LDB2: variants seen among roughly 807,000 people sequenced by gnomAD.
The protein encoded by LDB2 is LIM domain-binding protein 2.
Under a neutral mutation model 44.3 loss-of-function variants are expected in LDB2, and 12 were observed. The observed-to-expected ratio is 0.27, with a 90% CI of 0.17 to 0.44. The LOEUF (loss-of-function observed/expected upper bound fraction) is 0.44, where lower values mean the gene tolerates loss of function less well. Ranked by LOEUF, LDB2 falls within the 20% of genes least tolerant of loss-of-function variation. LDB2 has a pLI of 1.00. For synonymous variants in LDB2, 164 were observed against 174.8 expected, an observed-to-expected ratio of 0.94 and a Z score of 0.49; for missense variants, 344 against 473.5, an observed-to-expected ratio of 0.73 and a Z score of 2.54.
intron 2 of LDB2, among the ~76,000 whole-genome samples, chr4:16,708,358 A>G (rs998299120): frequency 3.9e-5 from 6 of 152,106 alleles, no homozygotes; most frequent in African/African-American, 1.4e-4. Flanking sequence ...AAACACACAC[A>G]CACACAGAGA....
At chr4:16,737,340 C>T (rs1452245044) in intron 2 of LDB2, among the ~76,000 whole-genome samples, 1 of 152,186 alleles carries the variant, frequency 6.6e-6, no homozygotes, top group Admixed American at 6.5e-5. Flanking sequence ...GCAATCCTCC[C>T]ACCTCAGCTT....
At chr4:16,731,115 T>G (rs528231249) in intron 2 of LDB2, among the ~76,000 whole-genome samples, 1 of 151,964 alleles carries the variant, frequency 6.6e-6, no homozygotes, top group Admixed American at 6.6e-5. Flanking sequence ...AGGATGTACA[T>G]AGGAGAAAGA....
At chr4:16,872,438 T>C (rs941872508) in intron 1 of LDB2, among the ~76,000 whole-genome samples, 23 of 152,214 alleles carry the variant, frequency 1.5e-4, no homozygotes, top group African/African-American at 5.5e-4. Context: ...TACTACTTAA[T>C]GCTATGGCAT....
chr4:16,673,595 G>A (rs186398891), intron 2 of LDB2, among the ~76,000 whole-genome samples: 20 of 152,280 alleles, frequency 1.3e-4, no homozygotes, highest in African/African-American at 4.1e-4. Flanking sequence ...CTTAAAGTTA[G>A]GAGAGCACCC....
intron 2 of LDB2, chr4:16,651,225 G>A (rs1207474492): frequency 6.6e-6 from 1 of 152,192 alleles, no homozygotes; most frequent in Non-Finnish European, 1.5e-5. Context: ...CTGTCTTTCA[G>A]TGGTTGCAGG....
At chr4:16,847,102 C>A (rs1454831046) in intron 1 of LDB2, among the ~76,000 whole-genome samples, 1 of 151,974 alleles carries the variant, frequency 6.6e-6, no homozygotes, top group Non-Finnish European at 1.5e-5. Context: ...TAGTTGGACC[C>A]CAATTAATGA....
At chr4:16,666,432 T>C (rs1005320442) in intron 2 of LDB2, among the ~76,000 whole-genome samples, 1 of 152,100 alleles carries the variant, frequency 6.6e-6, no homozygotes, top group Non-Finnish European at 1.5e-5. Context: ...CTCACAACGG[T>C]AGTGACTCTT....
intron 2 of LDB2, among the ~76,000 whole-genome samples, chr4:16,638,619 AT>A (rs1388124614): frequency 6.6e-6 from 1 of 152,148 alleles, no homozygotes; most frequent in Non-Finnish European, 1.5e-5. Flanking sequence ...TTGCTTCTGT[AT>A]TTTACAACCC....
At chr4:16,645,480 T>G (rs1267302176) in intron 2 of LDB2, among the ~76,000 whole-genome samples, 7 of 138,312 alleles carry the variant, frequency 5.1e-5, no homozygotes, top group African/African-American at 1.9e-4. Flanking sequence ...GAGCCTGCAG[T>G]GAGCCGAGAT....
At chr4:16,819,822 A>G (rs1781615674) in intron 1 of LDB2, among the ~76,000 whole-genome samples, 1 of 152,198 alleles carries the variant, frequency 6.6e-6, no homozygotes, top group Admixed American at 6.5e-5. Flanking sequence ...CTGAAATTCC[A>G]TGATTCAGCA....
chr4:16,780,208 G>T (rs560942207), intron 1 of LDB2, among the ~76,000 whole-genome samples: 1 of 152,164 alleles, frequency 6.6e-6, no homozygotes, highest in African/African-American at 2.4e-5. Flanking sequence ...GAAGTGAGAT[G>T]ATTTCTAATT....
intron 1 of LDB2, among the ~76,000 whole-genome samples, chr4:16,842,702 GC>G (rs948954407): frequency 1.3e-5 from 2 of 152,200 alleles, no homozygotes; most frequent in Non-Finnish European, 2.9e-5. Flanking sequence ...AGGCATAAGA[GC>G]TTGAGCTCTG....
chr4:16,591,077 G>C (rs1045458214), intron 3 of LDB2, among the ~76,000 whole-genome samples: 2 of 152,124 alleles, frequency 1.3e-5, no homozygotes, highest in African/African-American at 4.8e-5. Context: ...CAGGGATTTT[G>C]GATGCTATAA....
intron 2 of LDB2, among the ~76,000 whole-genome samples, chr4:16,746,206 T>A (rs1200412785): frequency 6.6e-6 from 1 of 152,228 alleles, no homozygotes; most frequent in African/African-American, 2.4e-5. Context: ...ATGAAAGCAT[T>A]TCATAAACTG....
Position 16,805,373 on chromosome 4 carries a change from G to T in LDB2, c.133-46113C>A, listed in dbSNP as rs867159610. On this transcript the variant is annotated intron_variant, in intron 1 of 7. Coordinates refer to ENST00000304523, the MANE Select transcript of LDB2 (RefSeq NM_001290.5). ...GTGTTTATCTGGGCCAAAGTCATTG[G>T]TTTATGAACAGATAAATTCTACCTA... is the stretch of plus-strand genomic sequence containing the variant. 3.3e-5 allele frequency among the ~76,000 whole-genome samples: 5 copies of T among 152,306 alleles called. No individual in the cohort carries two copies. In the South Asian group the frequency reaches 8.3e-4, roughly 25 times the overall value.
chr4:16,854,262 C>G (rs555121597), intron 1 of LDB2, among the ~76,000 whole-genome samples: 1 of 150,966 alleles, frequency 6.6e-6, no homozygotes, highest in Non-Finnish European at 1.5e-5. Flanking sequence ...TATTGTATAC[C>G]TTAAATATAC....
intron 2 of LDB2, among the ~76,000 whole-genome samples, chr4:16,697,919 G>A (rs1018228269): frequency 1.3e-5 from 2 of 152,204 alleles, no homozygotes; most frequent in African/African-American, 4.8e-5. Context: ...GTTCACCATG[G>A]CAGTGCTAGC....
intron 2 of LDB2, among the ~76,000 whole-genome samples, chr4:16,751,157 C>T (rs940673862): frequency 1.3e-4 from 20 of 152,160 alleles, no homozygotes; most frequent in Non-Finnish European, 2.5e-4. Flanking sequence ...CTCGTGAGGG[C>T]AGTCATAGAT....
At chr4:16,561,019 C>T (rs1056530951) in intron 5 of LDB2, among the ~76,000 whole-genome samples, 5 of 152,216 alleles carry the variant, frequency 3.3e-5, no homozygotes, top group African/African-American at 1.2e-4. Context: ...ATTCAACAAC[C>T]CTTCATGCTA....
Sources: gnomAD v4.1 joint callset for allele counts (sites outside exome capture counted in the v4.1 genomes callset) on GRCh38, gnomAD v4.1.1 for gene constraint, MANE v1.5 for transcripts, NCBI Gene and HGNC (gene_info 2026-07-23, HGNC 2026-07-21) for gene names.